The following CREB5 variants were observed in gnomAD, a reference collection of about 807,000 sequenced individuals.
The protein encoded by CREB5 is cyclic AMP-responsive element-binding protein 5.
A neutral mutation model predicts 57.1 loss-of-function variants in CREB5; 19 were observed. The observed-to-expected ratio is 0.33, with a 90% CI of 0.23 to 0.49. CREB5 has a LOEUF of 0.49. Among genes scored for constraint, CREB5 ranks in the 20% least tolerant of loss-of-function variants. The pLI is 0.99. For missense variants in CREB5, 579 were observed against 671.6 expected (o/e 0.86, Z 1.52); for synonymous variants, 238 against 238.3 (o/e 1.00, Z 0.01).
intron 4 of CREB5, among the ~76,000 whole-genome samples, chr7:28,546,394 T>C (rs974941991): frequency 1.3e-5 from 2 of 152,214 alleles, no homozygotes; most frequent in African/African-American, 4.8e-5. Context: ...TTATTTCTCT[T>C]GGGAATAAAC....
intron 5 of CREB5, among the ~76,000 whole-genome samples, chr7:28,638,840 T>C (rs1159315388): frequency 6.6e-6 from 1 of 152,186 alleles, no homozygotes; most frequent in Admixed American, 6.6e-5. Flanking sequence ...CTTGGAAATA[T>C]TGCTCCTCCA....
chr7:28,329,520 A>T (rs1785674835), intron 1 of CREB5, among the ~76,000 whole-genome samples: 1 of 152,250 alleles, frequency 6.6e-6, no homozygotes, highest in Non-Finnish European at 1.5e-5. Context: ...ACATTCCCAA[A>T]AATCAAAATG....
In CREB5 at chr7:28,402,955, A is replaced by C. The variant is rs567269083; in HGVS notation, c.-24-91951A>C. On this transcript the variant is annotated intron_variant, in intron 1 of 9. Transcript: ENST00000396299. ...TGTTAAACAACATTTCAAAGTTGAT[A>C]CGCACCTGCACCTCCAATCCAAGAG... Among the ~76,000 whole-genome samples the C allele has an allele frequency of 7.2e-4, 109 of 152,352 alleles. 1 individual carries two copies. The highest frequency in any genetic ancestry group is 1.1e-3 in the Non-Finnish European group (77 of 68,042).
At position 28,431,852 on chromosome 7, in the gene CREB5, T is replaced by C. The variant is rs190037039; in HGVS notation, c.3+18935T>C. ...CAGAATGTGGTGGACAAGGGGCAAG[T>C]GTGACCAGATGAACTCTGGGTTGGG... is the stretch of plus-strand genomic sequence containing the variant. On this transcript the variant is annotated intron_variant, in intron 1 of 10. Transcript: ENST00000357727. 2.0e-5 allele frequency among the ~76,000 whole-genome samples: 3 copies of C among 152,270 alleles called. No individual in the cohort carries two copies. In the East Asian group the frequency reaches 5.8e-4, roughly 29 times the overall value.
intron 1 of CREB5, among the ~76,000 whole-genome samples, chr7:28,477,295 C>T (rs920432069): frequency 7.2e-5 from 11 of 152,198 alleles, no homozygotes; most frequent in African/African-American, 2.7e-4. Context: ...TTCAGCCTTT[C>T]AATAGGCATG....
At chr7:28,382,097 T>C (rs1488067417) in intron 1 of CREB5, among the ~76,000 whole-genome samples, 3 of 152,042 alleles carry the variant, frequency 2.0e-5, no homozygotes, top group Admixed American at 2.0e-4. Flanking sequence ...TGGTTGCAAG[T>C]CCCAGAGTCC....
chr7:28,389,632 C>CTT (rs111405837), intron 1 of CREB5, among the ~76,000 whole-genome samples: 8 of 146,720 alleles, frequency 5.5e-5, no homozygotes, highest in African/African-American at 1.5e-4. Context: ...CTATACTAAA[C>CTT]TTTTTTTTTT....
intron 1 of CREB5, among the ~76,000 whole-genome samples, chr7:28,311,651 G>A (rs1785279283): frequency 6.6e-6 from 1 of 152,160 alleles, no homozygotes; most frequent in Admixed American, 6.5e-5. Context: ...ACTGTGTTAA[G>A]ACACATTCCT....
At chr7:28,590,233 G>T (rs1796448893) in intron 5 of CREB5, among the ~76,000 whole-genome samples, 1 of 152,080 alleles carries the variant, frequency 6.6e-6, no homozygotes, top group Admixed American at 6.6e-5. Flanking sequence ...GCACATGTAT[G>T]TTTATTGCAG....
At chr7:28,708,176 T>C (rs980538188) in intron 5 of CREB5, among the ~76,000 whole-genome samples, 1 of 152,156 alleles carries the variant, frequency 6.6e-6, no homozygotes, top group African/African-American at 2.4e-5. Flanking sequence ...AATGCCCCTT[T>C]CCTTGTTCAT....
chr7:28,771,049 C>A (rs1200758213), intron 7 of CREB5, among the ~76,000 whole-genome samples: 1 of 152,078 alleles, frequency 6.6e-6, no homozygotes, highest in Non-Finnish European at 1.5e-5. Context: ...AAAATTTTGT[C>A]AATTATACCT....
chr7:28,412,870 G>T lies in CREB5; in HGVS notation c.-45G>T. On this transcript the variant is annotated 5_prime_UTR_variant, in exon 1 of 11. Transcript: ENST00000357727. The stretch of plus-strand genomic sequence containing the variant: ...AAGAAAGGAAGAAAAAACTTGATTT[G>T]GTGACTGCAGGAAGCAACACGTTGC... 1 of 1,455,790 alleles carries T rather than the reference G, an allele frequency of 6.9e-7. No individual in the cohort carries two copies. Among genetic ancestry groups the T allele is most frequent in the Non-Finnish European group, 9.1e-7 (1 of 1,100,362 alleles). 90.2% of individuals were successfully genotyped at this position (1,455,790 alleles called of 1,614,324 possible). A position where few individuals can be genotyped will look rare whatever the true frequency, so the allele number is the denominator to read the frequency against.
intron 1 of CREB5, among the ~76,000 whole-genome samples, chr7:28,436,824 A>G (rs60752924): frequency 0.017 from 2,613 of 152,232 alleles, 87 homozygotes; most frequent in African/African-American, 0.059. Flanking sequence ...TTTGATTGTG[A>G]GATTTAAGAA....
At position 28,781,612 on chromosome 7, in the gene CREB5, T is replaced by A. The variant is rs974474329; in HGVS notation, c.703-22587T>A. Among the ~76,000 whole-genome samples the A allele has an allele frequency of 3.9e-5, 6 of 152,206 alleles. No homozygotes were observed. The East Asian group carries it at 1.2e-3, about 29-fold the overall frequency. ...AGAAGCCAGACCTTCAGCACCAAGG[T>A]GGTCTCCATGCTAGACAAGAATATT... On this transcript the variant is annotated intron_variant, in intron 7 of 10. Coordinates refer to ENST00000357727, the MANE Select transcript of CREB5 (RefSeq NM_182898.4).
chr7:28,331,212 A>C (rs1397381368), intron 1 of CREB5, among the ~76,000 whole-genome samples: 1 of 151,798 alleles, frequency 6.6e-6, no homozygotes, highest in Non-Finnish European at 1.5e-5. Flanking sequence ...TACCTTAAGG[A>C]GCCCTTTTAG....
intron 5 of CREB5, among the ~76,000 whole-genome samples, chr7:28,617,754 G>A (rs1023893248): frequency 1.3e-5 from 2 of 152,216 alleles, no homozygotes; most frequent in African/African-American, 4.8e-5. Flanking sequence ...GGGAAAAAGA[G>A]CAGCGCTCTA....
intron 5 of CREB5, among the ~76,000 whole-genome samples, chr7:28,635,537 C>T (rs1798384677): frequency 6.6e-6 from 1 of 152,200 alleles, no homozygotes; most frequent in South Asian, 2.1e-4. Context: ...AGAAGGTTTA[C>T]TAGAATGTCT....
chr7:28,375,684 A>G (rs918304467), intron 1 of CREB5, among the ~76,000 whole-genome samples: 3 of 151,938 alleles, frequency 2.0e-5, no homozygotes, highest in African/African-American at 7.3e-5. Context: ...GTCAACAAAG[A>G]TACAGCTGTT....
At chr7:28,621,318 A>T (rs1312146295) in intron 5 of CREB5, among the ~76,000 whole-genome samples, 1 of 152,192 alleles carries the variant, frequency 6.6e-6, no homozygotes, top group Non-Finnish European at 1.5e-5. Flanking sequence ...AGTTTGGGTT[A>T]TGATAGTTAT....
Sources: allele counts gnomAD v4.1 joint callset (sites outside exome capture counted in the v4.1 genomes callset), GRCh38; gene constraint gnomAD v4.1.1; transcripts MANE v1.5; gene names NCBI Gene and HGNC (gene_info 2026-07-23, HGNC 2026-07-21).